Variants in LRFN5 observed in about 807,000 individuals in gnomAD.
LRFN5 encodes leucine rich repeat and fibronectin type III domain containing 5.
LRFN5 carries 24 observed loss-of-function variants against 45.6 expected under a neutral mutation model. The ratio of observed to expected loss-of-function variants is 0.53; its 90% CI spans 0.38 to 0.74. The LOEUF is 0.74. LRFN5 is among the 30% of genes least tolerant of loss of function. LRFN5 has a pLI of 0.00. For missense variants in LRFN5, 776 were observed against 861.5 expected, an observed-to-expected ratio of 0.90 and a Z score of 1.24; for synonymous variants, 340 against 313.8, an observed-to-expected ratio of 1.08 and a Z score of -0.88.
chr14:41,717,212 C>T (rs1340754427), intron 1 of LRFN5, among the ~76,000 whole-genome samples: 2 of 152,146 alleles, frequency 1.3e-5, no homozygotes, highest in Non-Finnish European at 2.9e-5. Flanking sequence ...TGGTTGCCCT[C>T]CCAACTCCAC....
At chr14:41,855,879 A>G (rs1889434735) in intron 2 of LRFN5, among the ~76,000 whole-genome samples, 1 of 152,202 alleles carries the variant, frequency 6.6e-6, no homozygotes, top group Non-Finnish European at 1.5e-5. Context: ...ACATGGTGAT[A>G]TATGTCTACG....
chr14:41,640,735 T>C (rs1879536648), intron 1 of LRFN5, among the ~76,000 whole-genome samples: 1 of 152,136 alleles, frequency 6.6e-6, no homozygotes, highest in Non-Finnish European at 1.5e-5. Flanking sequence ...ATAAATACTT[T>C]GTACACACAA....
intron 1 of LRFN5, among the ~76,000 whole-genome samples, chr14:41,683,085 A>C (rs1423474183): frequency 6.6e-6 from 1 of 152,214 alleles, no homozygotes; most frequent in Non-Finnish European, 1.5e-5. Flanking sequence ...ACATTTTAGC[A>C]AATCAAATTC....
rs953775638 is a variant in LRFN5, at chr14:41,607,813, T to C, written c.-946T>C. Reference sequence around the variant, plus strand: ...AAGAGAGTGTCTTGCAGCCCTCTTGTTTCCGTGTATCTACACCTTCTTCTC... The same window carrying C: ...AAGAGAGTGTCTTGCAGCCCTCTTGCTTCCGTGTATCTACACCTTCTTCTC... On this transcript the variant is annotated 5_prime_UTR_variant, in exon 1 of 6. Transcript: ENST00000298119. 1.3e-5 allele frequency: 2 copies of C among 150,936 alleles called. No homozygotes were observed. Among genetic ancestry groups the C allele is most frequent in the Admixed American group, 6.6e-5 (1 of 15,192 alleles). The allele number at this position is 150,936 out of a possible 1,614,324, so 9.3% of individuals were successfully genotyped here. A position where few individuals can be genotyped will look rare whatever the true frequency, so the allele number is the denominator to read the frequency against.
At chr14:41,832,885 G>A (rs1434533346) in intron 2 of LRFN5, among the ~76,000 whole-genome samples, 1 of 152,040 alleles carries the variant, frequency 6.6e-6, no homozygotes, top group Non-Finnish European at 1.5e-5. Flanking sequence ...TTTCTTTTAT[G>A]TAAGATGTTA....
At chr14:41,652,153 C>G (rs1013803507) in intron 1 of LRFN5, among the ~76,000 whole-genome samples, 8 of 151,822 alleles carry the variant, frequency 5.3e-5, no homozygotes, top group African/African-American at 1.9e-4. Flanking sequence ...ATTAATTTTT[C>G]TAATATTAAA....
At chr14:41,644,906 T>G (rs1879741061) in intron 1 of LRFN5, among the ~76,000 whole-genome samples, 2 of 152,282 alleles carry the variant, frequency 1.3e-5, no homozygotes, top group South Asian at 4.1e-4. Context: ...AGGGATCATA[T>G]TTGACATTCT....
intron 1 of LRFN5, among the ~76,000 whole-genome samples, chr14:41,660,855 T>A (rs530280897): frequency 6.6e-6 from 1 of 151,152 alleles, no homozygotes; most frequent in Admixed American, 6.6e-5. Flanking sequence ...CTATGAACTA[T>A]TTAGAATGCA....
At chr14:41,759,496 CACAG>C (rs374778233) in intron 1 of LRFN5, among the ~76,000 whole-genome samples, 4,831 of 25,348 alleles carry the variant, frequency 0.19, 190 homozygotes, top group African/African-American at 0.34. Context: ...CACACACACA[CACAG>C]AGAGAGCACC....
intron 2 of LRFN5, among the ~76,000 whole-genome samples, chr14:41,874,196 T>G (rs1420164885): frequency 2.0e-5 from 3 of 152,196 alleles, no homozygotes; most frequent in Non-Finnish European, 2.9e-5. Context: ...GTGTGAGTCT[T>G]TCCTAATTCC....
chr14:41,858,927 C>G (rs578141968), intron 2 of LRFN5, among the ~76,000 whole-genome samples: 2 of 152,298 alleles, frequency 1.3e-5, no homozygotes, highest in East Asian at 3.9e-4. Context: ...GGTTCCCATA[C>G]AAATCCTGCC....
intron 2 of LRFN5, among the ~76,000 whole-genome samples, chr14:41,801,261 CTG>C (rs1259077231): frequency 1.3e-5 from 2 of 152,054 alleles, no homozygotes; most frequent in Admixed American, 1.3e-4. Flanking sequence ...CCCTTAAAAA[CTG>C]TTATGAGGAT....
chr14:41,827,453 A>G (rs1888336356), intron 2 of LRFN5, among the ~76,000 whole-genome samples: 2 of 152,104 alleles, frequency 1.3e-5, no homozygotes, highest in South Asian at 2.1e-4. Flanking sequence ...TGAAAAATAT[A>G]TATTTGGTAA....
chr14:41,888,762 T>A (rs186029020), intron 3 of LRFN5, among the ~76,000 whole-genome samples: 1 of 152,202 alleles, frequency 6.6e-6, no homozygotes, highest in African/African-American at 2.4e-5. Flanking sequence ...CAAGTAAGGA[T>A]GATGATGGAG....
intron 1 of LRFN5, among the ~76,000 whole-genome samples, chr14:41,677,293 C>T (rs1881677066): frequency 6.6e-6 from 1 of 152,086 alleles, no homozygotes; most frequent in Non-Finnish European, 1.5e-5. Flanking sequence ...AGAGTCACTA[C>T]AATCTATTAG....
At chr14:41,854,758 TTC>T in intron 2 of LRFN5, among the ~76,000 whole-genome samples, 1 of 152,300 alleles carries the variant, frequency 6.6e-6, no homozygotes, top group East Asian at 1.9e-4. Flanking sequence ...TTTTGATTGC[TTC>T]TGTTTGTTTT....
At chr14:41,693,473 G>T (rs943154677) in intron 1 of LRFN5, among the ~76,000 whole-genome samples, 14 of 151,962 alleles carry the variant, frequency 9.2e-5, no homozygotes, top group African/African-American at 3.4e-4. Flanking sequence ...AATTAGGTGT[G>T]TTTTATTTTT....
intron 4 of LRFN5, chr14:41,893,287 C>T (rs1263694723): frequency 4.0e-5 from 38 of 945,160 alleles, no homozygotes; most frequent in African/African-American, 7.1e-5. Context: ...AAATTAAGGT[C>T]TATAGATAAA....
chr14:41,790,089 A>G (rs1886865730), intron 2 of LRFN5, among the ~76,000 whole-genome samples: 1 of 152,020 alleles, frequency 6.6e-6, no homozygotes, highest in African/African-American at 2.4e-5. Flanking sequence ...GTTGTGGAAG[A>G]TGTGGTATTA....
Sources: gnomAD v4.1 joint callset for allele counts (sites outside exome capture counted in the v4.1 genomes callset) on GRCh38, gnomAD v4.1.1 for gene constraint, MANE v1.5 for transcripts, NCBI Gene and HGNC (gene_info 2026-07-23, HGNC 2026-07-21) for gene names.